LSAMP: variants seen among roughly 807,000 people sequenced by gnomAD.
LSAMP encodes limbic system associated membrane protein.
Under a neutral mutation model 38.6 loss-of-function variants are expected in LSAMP, and 7 were observed. The ratio of observed to expected loss-of-function variants is 0.18; its 90% CI spans 0.10 to 0.34. The LOEUF (loss-of-function observed/expected upper bound fraction) is 0.34, where lower values mean the gene tolerates loss of function less well. Among genes scored for constraint, LSAMP ranks in the 10% least tolerant of loss-of-function variants. The probability of loss-of-function intolerance (pLI) is 1.00; values close to 1 mark genes in which losing one functional copy is unlikely to be tolerated. For missense variants in LSAMP, 313 were observed against 420.0 expected, an observed-to-expected ratio of 0.75 and a Z score of 2.23; for synonymous variants, 154 against 166.8, an observed-to-expected ratio of 0.92 and a Z score of 0.59.
chr3:115,860,455 A>G (rs1010698241), intron 3 of LSAMP, among the ~76,000 whole-genome samples: 5 of 152,206 alleles, frequency 3.3e-5, no homozygotes, highest in African/African-American at 1.2e-4. Flanking sequence ...TCTTTCAAGT[A>G]TAGAGTGGGA....
At chr3:116,429,746 ATAACACAG>A (rs2049254841) in intron 1 of LSAMP, among the ~76,000 whole-genome samples, 1 of 152,140 alleles carries the variant, frequency 6.6e-6, no homozygotes, top group African/African-American at 2.4e-5. Flanking sequence ...AAGGCCTGGG[ATAACACAG>A]GCCTTGGAGT....
intron 2 of LSAMP, among the ~76,000 whole-genome samples, chr3:116,071,351 CA>C (rs1222705907): frequency 6.8e-6 from 1 of 146,898 alleles, no homozygotes; most frequent in East Asian, 2.0e-4. Context: ...TTTTTTTTAA[CA>C]ATTCTTCTTG....
At chr3:116,295,973 A>C (rs2047327505) in intron 1 of LSAMP, among the ~76,000 whole-genome samples, 1 of 152,172 alleles carries the variant, frequency 6.6e-6, no homozygotes, top group Non-Finnish European at 1.5e-5. Flanking sequence ...TCTAGGTTAT[A>C]ATAAAACACT....
intron 1 of LSAMP, among the ~76,000 whole-genome samples, chr3:116,144,981 A>C (rs1341555773): frequency 2.6e-5 from 4 of 151,902 alleles, no homozygotes; most frequent in African/African-American, 9.7e-5. Flanking sequence ...CTTCTGGTCT[A>C]TATTGTTGCT....
chr3:115,948,595 C>G (rs149123671), intron 3 of LSAMP, among the ~76,000 whole-genome samples: 1 of 152,122 alleles, frequency 6.6e-6, no homozygotes, highest in Admixed American at 6.6e-5. Context: ...ATAATAGTGA[C>G]ACAACTTATC....
intron 1 of LSAMP, among the ~76,000 whole-genome samples, chr3:116,248,599 C>T (rs2046634345): frequency 6.6e-6 from 1 of 150,564 alleles, no homozygotes; most frequent in South Asian, 2.1e-4. Context: ...GTTAGCTTGA[C>T]CTGTCAAAAA....
At chr3:116,366,418 G>T (rs1386639716) in intron 1 of LSAMP, among the ~76,000 whole-genome samples, 1 of 152,152 alleles carries the variant, frequency 6.6e-6, no homozygotes, top group East Asian at 1.9e-4. Flanking sequence ...TAGGCAATGA[G>T]AATCAGTGTA....
chr3:115,923,890 A>C (rs1263915222), intron 3 of LSAMP, among the ~76,000 whole-genome samples: 1 of 152,184 alleles, frequency 6.6e-6, no homozygotes, highest in East Asian at 1.9e-4. Context: ...ATTGTATTAT[A>C]ATAGGTTTTT....
At chr3:116,092,555 A>G (rs1299755741) in intron 1 of LSAMP, among the ~76,000 whole-genome samples, 1 of 152,194 alleles carries the variant, frequency 6.6e-6, no homozygotes, top group Non-Finnish European at 1.5e-5. Context: ...TAAGCACACA[A>G]ATTTTTATCT....
chr3:116,397,801 A>T (rs1321016472), intron 1 of LSAMP, among the ~76,000 whole-genome samples: 1 of 152,232 alleles, frequency 6.6e-6, no homozygotes, highest in East Asian at 1.9e-4. Context: ...GAGTCATAGT[A>T]TGTGTCCCAC....
At chr3:116,188,158 A>G (rs1710668359) in intron 1 of LSAMP, among the ~76,000 whole-genome samples, 1 of 152,060 alleles carries the variant, frequency 6.6e-6, no homozygotes, top group South Asian at 2.1e-4. Context: ...ATGACCTTAA[A>G]TGCCCTCCCC....
intron 1 of LSAMP, among the ~76,000 whole-genome samples, chr3:116,313,336 T>A (rs188522557): frequency 1.4e-3 from 218 of 152,316 alleles, no homozygotes; most frequent in Non-Finnish European, 2.0e-3. Context: ...ATTACATGTG[T>A]AACTCACATT....
At chr3:116,092,489 T>C (rs2107436093) in intron 1 of LSAMP, among the ~76,000 whole-genome samples, 1 of 152,310 alleles carries the variant, frequency 6.6e-6, no homozygotes, top group South Asian at 2.1e-4. Context: ...GGTTACCTAC[T>C]GGAACTGCAA....
At chr3:116,032,114 A>AT (rs1225306460) in intron 2 of LSAMP, among the ~76,000 whole-genome samples, 3 of 151,904 alleles carry the variant, frequency 2.0e-5, no homozygotes, top group Admixed American at 6.6e-5. Flanking sequence ...TATGAGTTAG[A>AT]TTTTTTTTCC....
chr3:116,399,117 G>A (rs2048807342), intron 1 of LSAMP, among the ~76,000 whole-genome samples: 1 of 152,172 alleles, frequency 6.6e-6, no homozygotes, highest in Admixed American at 6.5e-5. Context: ...AAAGTAGGCA[G>A]AAAATGATTT....
At chr3:116,180,192 CA>C (rs1467581878) in intron 1 of LSAMP, among the ~76,000 whole-genome samples, 2 of 152,098 alleles carry the variant, frequency 1.3e-5, no homozygotes, top group Admixed American at 1.3e-4. Flanking sequence ...CCGTGCATTA[CA>C]TGAATACAGT....
intron 1 of LSAMP, among the ~76,000 whole-genome samples, chr3:116,366,359 T>C (rs953170169): frequency 6.6e-6 from 1 of 152,166 alleles, no homozygotes; most frequent in Non-Finnish European, 1.5e-5. Context: ...AAAAAGCACC[T>C]CTTTTTTAAG....
intron 3 of LSAMP, among the ~76,000 whole-genome samples, chr3:115,978,103 G>A (rs1028010486): frequency 2.0e-5 from 3 of 151,942 alleles, no homozygotes; most frequent in African/African-American, 2.4e-5. Flanking sequence ...CGAACTCCTG[G>A]ACTCAAGTGA....
intron 1 of LSAMP, among the ~76,000 whole-genome samples, chr3:116,156,271 A>G (rs1490506482): frequency 3.3e-5 from 5 of 152,154 alleles, no homozygotes. Context: ...ACTACCTGTT[A>G]CAGAAAGGAA....
Sources: allele counts gnomAD v4.1 joint callset (sites outside exome capture counted in the v4.1 genomes callset), GRCh38; gene constraint gnomAD v4.1.1; transcripts MANE v1.5; gene names NCBI Gene and HGNC (gene_info 2026-07-23, HGNC 2026-07-21).